Variants in SLC5A12 observed in about 807,000 individuals in gnomAD.
SLC5A12 encodes sodium-coupled monocarboxylate transporter 2.
SLC5A12 carries 46 observed loss-of-function variants against 72.7 expected under a neutral mutation model. That is an observed-to-expected ratio of 0.63 (90% confidence interval 0.50 to 0.81). The LOEUF (loss-of-function observed/expected upper bound fraction) is 0.81, where lower values mean the gene tolerates loss of function less well. SLC5A12 is among the 30% of genes least tolerant of loss of function. The probability of loss-of-function intolerance (pLI) is 0.00; values close to 1 mark genes in which losing one functional copy is unlikely to be tolerated. For missense variants in SLC5A12, 683 were observed against 740.7 expected, an observed-to-expected ratio of 0.92 and a Z score of 0.90; for synonymous variants, 275 against 264.4, an observed-to-expected ratio of 1.04 and a Z score of -0.39.
chr11:26,681,240 G>C lies in SLC5A12; in HGVS notation c.1309-19C>G, dbSNP rs553392690. ...GTGCACCCTGGATGAAGAAGAAAAA[G>C]GTTAATGGGAAATTTGGCAAAGCTG... On this transcript the variant is annotated intron_variant, in intron 11 of 14. Coordinates refer to ENST00000396005, the MANE Select transcript of SLC5A12 (RefSeq NM_178498.4). The C allele has an allele frequency of 3.2e-6, 5 of 1,539,026 alleles. No individual in the cohort carries two copies. In the South Asian group the frequency reaches 3.7e-5, roughly 11 times the overall value.
chr11:26,701,705 C>T (rs1049977221), intron 6 of SLC5A12, among the ~76,000 whole-genome samples: 1 of 151,988 alleles, frequency 6.6e-6, no homozygotes, highest in African/African-American at 2.4e-5. Context: ...TCATTGGTGG[C>T]TTCTGATTAG....
intron 13 of SLC5A12, among the ~76,000 whole-genome samples, chr11:26,677,554 T>C (rs1409559234): frequency 6.6e-6 from 1 of 152,232 alleles, no homozygotes; most frequent in Middle Eastern, 3.4e-3. Flanking sequence ...GATGTCAGGG[T>C]ACTAAGGCAA....
Position 26,721,556 on chromosome 11 carries a change from G to T in SLC5A12, c.159C>A (p.Val53=), listed in dbSNP as rs373883178. The T allele has an allele frequency of 6.2e-7, 1 of 1,614,140 alleles. No individual in the cohort carries two copies. The highest frequency in any genetic ancestry group is 1.1e-5 in the South Asian group (1 of 91,068). The change falls in exon 1 of 15, where the codon GTC becomes GTA. Residue 53 remains valine, a synonymous_variant. Transcript: ENST00000396005. ...VGGRQMSFGP[V]GLSLTASFMS... Reference sequence around the variant, plus strand: ...TGAAGCTGGCTGTCAGAGACAAGCCGACAGGGCCAAAGCTCATTTGCCTTC... The same window carrying T: ...TGAAGCTGGCTGTCAGAGACAAGCCTACAGGGCCAAAGCTCATTTGCCTTC...
intron 8 of SLC5A12, among the ~76,000 whole-genome samples, chr11:26,694,931 A>G (rs1435250758): frequency 6.6e-6 from 1 of 152,072 alleles, no homozygotes; most frequent in Non-Finnish European, 1.5e-5. Flanking sequence ...TATTCCTTTT[A>G]GAGTACATAA....
intron 3 of SLC5A12, among the ~76,000 whole-genome samples, chr11:26,710,534 C>T (rs764291905): frequency 2.0e-5 from 3 of 151,980 alleles, no homozygotes; most frequent in African/African-American, 7.2e-5. Flanking sequence ...TTAATGACCG[C>T]CATTCTAATT....
intron 4 of SLC5A12, among the ~76,000 whole-genome samples, chr11:26,704,842 G>A (rs558774819): frequency 6.4e-4 from 98 of 152,112 alleles, no homozygotes; most frequent in Non-Finnish European, 1.2e-3. Context: ...TTAGTGACAG[G>A]GAATATATTT....
intron 13 of SLC5A12, among the ~76,000 whole-genome samples, chr11:26,676,354 G>GAAAAAAAAAAAAAAAA (rs1565183526): frequency 9.3e-6 from 1 of 107,290 alleles, no homozygotes; most frequent in African/African-American, 3.8e-5. Context: ...TCTGTTTCTA[G>GAAAAAAAAAAAAAAAA]AAAACAAAAA....
At chr11:26,688,326 G>C (rs1854585821) in intron 9 of SLC5A12, among the ~76,000 whole-genome samples, 1 of 152,160 alleles carries the variant, frequency 6.6e-6, no homozygotes, top group Admixed American at 6.5e-5. Context: ...AGGCATAGGT[G>C]AAACTTCTAC....
At chr11:26,697,143 G>T (rs372922751) in intron 8 of SLC5A12, 21 bp downstream of exon 8, 44 of 1,588,112 alleles carry the variant, frequency 2.8e-5, no homozygotes, top group Non-Finnish European at 3.7e-5. Context: ...ATCATCATCA[G>T]ATTGTTGTTG....
At chr11:26,681,651 A>C (rs904523250) in intron 11 of SLC5A12, among the ~76,000 whole-genome samples, 1 of 152,168 alleles carries the variant, frequency 6.6e-6, no homozygotes, top group African/African-American at 2.4e-5. Context: ...AGTAACCAGC[A>C]GAGTCCCCTG....
chr11:26,673,942 G>T (rs11029668), intron 13 of SLC5A12, among the ~76,000 whole-genome samples: 2 of 152,156 alleles, frequency 1.3e-5, no homozygotes, highest in East Asian at 1.9e-4. Flanking sequence ...ATTAGAAAGA[G>T]TATTTTTATT....
chr11:26,698,728 T>A (rs910083658), intron 6 of SLC5A12, among the ~76,000 whole-genome samples, 193 bp from the exon 7 acceptor site: 11 of 152,148 alleles, frequency 7.2e-5, no homozygotes, highest in African/African-American at 2.7e-4. Flanking sequence ...ATTTTTAGAC[T>A]CACTACCAAA....
At chr11:26,705,042 T>C (rs1855051488) in intron 4 of SLC5A12, among the ~76,000 whole-genome samples, 1 of 151,918 alleles carries the variant, frequency 6.6e-6, no homozygotes, top group Non-Finnish European at 1.5e-5. Flanking sequence ...GTTAGAGCAG[T>C]GGTTATGAAA....
chr11:26,677,088 A>G (rs949463223), intron 13 of SLC5A12, among the ~76,000 whole-genome samples: 2 of 151,642 alleles, frequency 1.3e-5, no homozygotes, highest in Non-Finnish European at 2.9e-5. Flanking sequence ...ACCTGAGGTT[A>G]TCAGGCTAGC....
At position 26,669,227 on chromosome 11, in the gene SLC5A12, C is replaced by CTTT. The variant is rs752667531; in HGVS notation, c.*1874_*1875insAAA. On this transcript the variant is annotated 3_prime_UTR_variant, in exon 15 of 15. Transcript: ENST00000396005. ...TCTTTCTTTCTTTCTTTCTCTCTCT[C>CTTT]CCTCCCTCTTTCTTTCTCTCTTCTT... 1.9e-5 allele frequency: 2 copies of CTTT among 107,034 alleles called. No homozygotes were observed. Among genetic ancestry groups the CTTT allele is most frequent in the African/African-American group, 6.4e-5 (2 of 31,026 alleles). The allele number at this position is 107,034 out of a possible 1,614,324, so 6.6% of individuals were successfully genotyped here.
chr11:26,683,781 G>T lies in SLC5A12; in HGVS notation c.1284C>A (p.Ile428=). Residue 428 remains isoleucine (I), a synonymous_variant, in exon 11 of 15, where the codon ATC becomes ATA. Coordinates refer to ENST00000396005, the MANE Select transcript of SLC5A12 (RefSeq NM_178498.4). ...GPMLGLFSLG[I]VFPFVNWKGA... is the part of the protein sequence containing the mutation. ...CCTTCCAATTCACAAAAGGGAACAC[G>T]ATTCCCAGGGAGAATAAGCCCAGCA... 6.3e-7 allele frequency: 1 copy of T among 1,594,576 alleles called. No individual in the cohort carries two copies. Among genetic ancestry groups the T allele is most frequent in the South Asian group, 1.1e-5 (1 of 87,530 alleles).
At chr11:26,697,021 A>G (rs185044319) in intron 8 of SLC5A12, 143 bp downstream of exon 8, 1 of 699,864 alleles carries the variant, frequency 1.4e-6, no homozygotes, top group Non-Finnish European at 2.4e-6. Context: ...TATGTTGTGT[A>G]CCAATTAATG....
rs1047437992 is a variant in SLC5A12 at position 26,669,002 on chromosome 11, C to A, written c.*2100G>T. The A allele has an allele frequency of 1.3e-5, 2 of 151,524 alleles. No homozygotes were observed. The highest frequency in any genetic ancestry group is 2.4e-5 in the African/African-American group (1 of 41,266). The allele number at this position is 151,524 out of a possible 1,614,324, so 9.4% of individuals were successfully genotyped here. A position where few individuals can be genotyped will look rare whatever the true frequency, so the allele number is the denominator to read the frequency against. ...TGGTATATTTTGCTTTTATGCTATC[C>A]CAAGTGGAAGTTCACAATCCTGATG... On this transcript the variant is annotated 3_prime_UTR_variant, in exon 15 of 15. Coordinates refer to ENST00000396005, the MANE Select transcript of SLC5A12 (RefSeq NM_178498.4).
chr11:26,697,008 T>C (rs1321799357), intron 8 of SLC5A12, among the ~76,000 whole-genome samples, 156 bp downstream of exon 8: 1 of 152,196 alleles, frequency 6.6e-6, no homozygotes, highest in African/African-American at 2.4e-5. Flanking sequence ...AATTCTAGGC[T>C]CATATGTTGT....
Sources: allele counts gnomAD v4.1 joint callset (sites outside exome capture counted in the v4.1 genomes callset), GRCh38; gene constraint gnomAD v4.1.1; transcripts MANE v1.5; gene names NCBI Gene and HGNC (gene_info 2026-07-23, HGNC 2026-07-21).